COG1: variants seen among roughly 807,000 people sequenced by gnomAD.
COG1 encodes the protein conserved oligomeric Golgi complex subunit 1.
Under a neutral mutation model 102.2 loss-of-function variants are expected in COG1, and 61 were observed. The observed-to-expected ratio is 0.60, with a 90% CI of 0.49 to 0.74. The LOEUF is 0.74. COG1 is among the 30% of genes least tolerant of loss of function. The pLI is 0.00. For missense variants in COG1, 1,164 were observed against 1,232.1 expected, an observed-to-expected ratio of 0.94 and a Z score of 0.83; for synonymous variants, 454 against 493.6, an observed-to-expected ratio of 0.92 and a Z score of 1.06.
At position 73,206,840 on chromosome 17, in the gene COG1, T is replaced by C. The variant is rs751854521; in HGVS notation, c.2729+23T>C. The C allele has an allele frequency of 5.7e-6, 9 of 1,565,460 alleles. No individual in the cohort carries two copies. In the Middle Eastern group the frequency reaches 6.7e-4, roughly 117 times the overall value. On this transcript the variant is annotated intron_variant, in intron 12 of 13. Coordinates refer to ENST00000299886, the MANE Select transcript of COG1 (RefSeq NM_018714.3). ...CAGGTAAAGGCTGCCAAGAGGCTTC[T>C]GCGGGGCACTTCGGGAGGCCAAGGT...
chr17:73,205,970 G>A (rs2061369546), intron 10 of COG1, 184 bp from the exon 11 acceptor site: 2 of 685,660 alleles, frequency 2.9e-6, no homozygotes, highest in South Asian at 3.4e-5. Flanking sequence ...CGGGGGAAAG[G>A]GTGGACTTCA....
At position 73,202,019 on chromosome 17, in the gene COG1, CT is replaced by C. The variant is rs2061349054; in HGVS notation, c.2073+122del. On this transcript the variant is annotated intron_variant, in intron 7 of 13. Coordinates refer to ENST00000299886, the MANE Select transcript of COG1 (RefSeq NM_018714.3). ...AACAATTCTGATTTCATACGGTTAA[CT>C]TTATCTCTGCCAGAAAGTTCAGTAA... The C allele has an allele frequency of 9.1e-6, 10 of 1,094,558 alleles. No individual in the cohort carries two copies. In the Admixed American group the frequency reaches 2.0e-4, roughly 22 times the overall value. The allele number at this position is 1,094,558 out of a possible 1,614,324, so 67.8% of individuals were successfully genotyped here. A position where few individuals can be genotyped will look rare whatever the true frequency, so the allele number is the denominator to read the frequency against.
At chr17:73,201,953 G>A (rs2145098777) in intron 7 of COG1, 53 bp downstream of exon 7, 2 of 1,543,360 alleles carry the variant, frequency 1.3e-6, no homozygotes, top group Non-Finnish European at 1.8e-6. Context: ...TCATATTCCA[G>A]TCTTGCCAAC....
chr17:73,200,128 A>G, intron 5 of COG1, 107 bp downstream of exon 5: 1 of 1,341,646 alleles, frequency 7.5e-7, no homozygotes, highest in South Asian at 1.3e-5. Flanking sequence ...CCTGTCCTGG[A>G]TGGCGTGCTG....
At chr17:73,208,252 G>A in intron 13 of COG1, 62 bp from the exon 14 acceptor site, 1 of 1,610,140 alleles carries the variant, frequency 6.2e-7, no homozygotes, top group Non-Finnish European at 8.5e-7. Context: ...GTCGCGCGGA[G>A]GGCGAGTGGG....
Position 73,197,213 on chromosome 17 carries a change from TTTC to T in COG1, c.743-7_743-5del, listed in dbSNP as rs1486587439. The stretch of plus-strand genomic sequence containing the variant: ...AAGGTAATTGTTTCAAAGAGGATGG[TTTC>T]TTCTTTTAGGTGCTGGTATCAAGGC... On this transcript the variant is annotated splice_polypyrimidine_tract_variant and intron_variant, in intron 3 of 13. Coordinates refer to ENST00000299886, the MANE Select transcript of COG1 (RefSeq NM_018714.3). 1.1e-5 allele frequency: 17 copies of T among 1,614,026 alleles called. No individual in the cohort carries two copies. The highest frequency in any genetic ancestry group is 8.0e-5 in the African/African-American group (6 of 74,910).
intron 4 of COG1, among the ~76,000 whole-genome samples, chr17:73,197,742 A>G (rs1260489114): frequency 2.0e-5 from 3 of 152,196 alleles, no homozygotes; most frequent in Non-Finnish European, 4.4e-5. Flanking sequence ...TTAGATGAAG[A>G]AGGCAAGCAA....
At chr17:73,202,928 A>T in intron 7 of COG1, 72 bp from the exon 8 acceptor site, 1 of 1,528,564 alleles carries the variant, frequency 6.5e-7, no homozygotes, top group Non-Finnish European at 9.1e-7. Flanking sequence ...TCTCAGGATT[A>T]CACAGATTGT....
rs2061309012 is a variant in COG1 at position 73,193,144 on chromosome 17, T to C, written c.75T>C (p.His25=). ...ACCCTGCGGCTCTTTTCGAGACGCA[T>C]GGAGCGGAGGAGATCCGCGGGCTGG... ...LRDPAALFET[H]GAEEIRGLER... Residue 25 remains histidine (H), a synonymous_variant, in exon 1 of 14, where the codon CAT becomes CAC. Coordinates refer to ENST00000299886, the MANE Select transcript of COG1 (RefSeq NM_018714.3). The C allele has an allele frequency of 1.2e-6, 2 of 1,609,946 alleles. No homozygotes were observed. Among genetic ancestry groups the C allele is most frequent in the East Asian group, 4.5e-5 (2 of 44,648 alleles).
chr17:73,201,570 C>T lies in COG1; in HGVS notation c.1743C>T (p.Ile581=), dbSNP rs1336351335. The change falls in exon 7 of 14, where the codon ATC becomes ATT. Residue 581 remains isoleucine (I), a synonymous_variant. Transcript: ENST00000299886. ...AGTCCGTGGCATGCATCAAGCACATCGTGGACTGCATCCGGGCAGAGCTAC... is the reference window on the plus strand; with the variant it reads ...AGTCCGTGGCATGCATCAAGCACATTGTGGACTGCATCCGGGCAGAGCTAC... ...RTQSVACIKH[I]VDCIRAELQS... is the part of the protein sequence containing the mutation. 9 of 1,614,102 alleles carry T rather than the reference C, an allele frequency of 5.6e-6. No homozygotes were observed. In the East Asian group the frequency reaches 8.9e-5, roughly 16 times the overall value.
chr17:73,195,086 ACTGAGT>A (rs1432369751), intron 1 of COG1, among the ~76,000 whole-genome samples: 1 of 152,212 alleles, frequency 6.6e-6, no homozygotes, highest in East Asian at 1.9e-4. Context: ...CTTTGCTGTA[ACTGAGT>A]CATGCTTCAG....
At chr17:73,200,866 T>A in intron 6 of COG1, 90 bp downstream of exon 6, 2 of 1,218,688 alleles carry the variant, frequency 1.6e-6, no homozygotes, top group Non-Finnish European at 2.4e-6. Flanking sequence ...GCTTCCCAAG[T>A]ATATTCTTTT....
intron 5 of COG1, 88 bp from the exon 6 acceptor site, chr17:73,200,478 A>C (rs1457090472): frequency 9.1e-7 from 1 of 1,103,578 alleles, no homozygotes; most frequent in Admixed American, 1.7e-5. Context: ...CAGATAAGAG[A>C]TTGTCAAATG....
intron 13 of COG1, chr17:73,207,859 T>C (rs1418876306): frequency 2.6e-5 from 32 of 1,219,390 alleles, no homozygotes; most frequent in East Asian, 1.2e-4. Flanking sequence ...CCTTTCCGTA[T>C]TCCCTACCAT....
At chr17:73,197,426 T>A in intron 4 of COG1, 30 bp downstream of exon 4, 2 of 1,611,516 alleles carry the variant, frequency 1.2e-6, no homozygotes, top group Non-Finnish European at 1.7e-6. Context: ...TTTTAAATTC[T>A]GGTTCACTCA....
chr17:73,205,597 G>C lies in COG1; in HGVS notation c.2427G>C (p.Leu809=), dbSNP rs1205106475. ...FPVTQNRALQ[L]LYDLRYLNIV... The stretch of plus-strand genomic sequence containing the variant: ...TCACCCAGAACCGGGCGCTGCAGCT[G>C]CTTTATGATCTGCGTTACCTCAACA... Residue 809 remains leucine (L), a synonymous_variant, in exon 10 of 14, where the codon CTG becomes CTC. Transcript: ENST00000299886. 1 of 1,614,194 alleles carries C rather than the reference G, an allele frequency of 6.2e-7. No individual in the cohort carries two copies.
At position 73,206,641 on chromosome 17, in the gene COG1, T is replaced by TC. The variant is rs2061374269; in HGVS notation, c.2620-67_2620-66insC. 3 of 689,084 alleles carry TC rather than the reference T, an allele frequency of 4.4e-6. No individual in the cohort carries two copies. The East Asian group carries it at 1.3e-4, about 29-fold the overall frequency. The allele number at this position is 689,084 out of a possible 1,614,324, so 42.7% of individuals were successfully genotyped here. A position where few individuals can be genotyped will look rare whatever the true frequency, so the allele number is the denominator to read the frequency against. ...ACGGTAGCGATGGGTGACTAACCTT[T>TC]TTTTTTTTTTTTTTGCCTTTCTTTT... On this transcript the variant is annotated intron_variant, in intron 11 of 13. Coordinates refer to ENST00000299886, the MANE Select transcript of COG1 (RefSeq NM_018714.3).
At chr17:73,202,728 C>T (rs576215809) in intron 7 of COG1, among the ~76,000 whole-genome samples, 1 of 152,262 alleles carries the variant, frequency 6.6e-6, no homozygotes, top group East Asian at 1.9e-4. Context: ...GTCGAGGCTG[C>T]AGTGAGCTGT....
chr17:73,203,194 A>G (rs756556603), intron 8 of COG1, 48 bp downstream of exon 8: 1 of 1,604,218 alleles, frequency 6.2e-7, no homozygotes, highest in Non-Finnish European at 8.5e-7. Flanking sequence ...GCTCCGTGGA[A>G]AAGAAGAAAG....
Sources: allele counts gnomAD v4.1 joint callset (sites outside exome capture counted in the v4.1 genomes callset), GRCh38; gene constraint gnomAD v4.1.1; transcripts MANE v1.5; gene names NCBI Gene and HGNC (gene_info 2026-07-23, HGNC 2026-07-21).